The following SYCP2 variants were observed in gnomAD, a reference collection of about 807,000 sequenced individuals.
SYCP2 encodes the protein synaptonemal complex lateral element protein.
Under a neutral mutation model 211.3 loss-of-function variants are expected in SYCP2, and 55 were observed. That is an observed-to-expected ratio of 0.26 (90% CI 0.21 to 0.33). SYCP2 has a LOEUF of 0.33. Among genes scored for constraint, SYCP2 ranks in the 10% least tolerant of loss-of-function variants. The pLI is 1.00. For synonymous variants in SYCP2, 570 were observed against 555.2 expected, an observed-to-expected ratio of 1.03 and a Z score of -0.37; for missense variants, 1,731 against 1,752.0, an observed-to-expected ratio of 0.99 and a Z score of 0.21.
chr20:59,901,104 A>C (rs1012447941), intron 16 of SYCP2, among the ~76,000 whole-genome samples: 1 of 152,068 alleles, frequency 6.6e-6, no homozygotes, highest in African/African-American at 2.4e-5. Context: ...TGTCAATTGA[A>C]TATCTCCCCA....
At chr20:59,933,436 C>CA in intron 1 of SYCP2, 133 bp downstream of exon 1, 1 of 152,214 alleles carries the variant, frequency 6.6e-6, no homozygotes, top group Non-Finnish European at 1.5e-5. Context: ...TCCCCCTCGG[C>CA]AGCTTCCACA....
In SYCP2 at chr20:59,919,154, A is replaced by C. The variant is rs576637959; in HGVS notation, c.427+4T>G. ...TTCCAATAGAAAATAAGTGTTTATT[A>C]TACCTTCATCACTGACATCATGTAT... On this transcript the variant is annotated splice_donor_region_variant and intron_variant, in intron 7 of 44. Transcript: ENST00000357552. 4.7e-6 allele frequency: 6 copies of C among 1,270,558 alleles called. No individual in the cohort carries two copies. Among genetic ancestry groups the C allele is most frequent in the Non-Finnish European group, 5.6e-6 (5 of 893,090 alleles). 78.7% of individuals were successfully genotyped at this position (1,270,558 alleles called of 1,614,324 possible). A position where few individuals can be genotyped will look rare whatever the true frequency, so the allele number is the denominator to read the frequency against.
chr20:59,891,990 C>A lies in SYCP2; in HGVS notation c.2364G>T (p.Met788Ile). The A allele has an allele frequency of 6.3e-7, 1 of 1,575,468 alleles. No individual in the cohort carries two copies. Among genetic ancestry groups the A allele is most frequent in the South Asian group, 1.2e-5 (1 of 83,156 alleles). ...AAATCAAAACACATTGAAAGCTCACCATTTTTTTTTGTTTCGAATCCCAGG... is the reference window on the plus strand; with the variant it reads ...AAATCAAAACACATTGAAAGCTCACAATTTTTTTTTGTTTCGAATCCCAGG... ...LNSWDSKQKK[M>I]REKSKGKEFT... is the part of the protein sequence containing the mutation. The change falls in exon 24 of 45, where the codon ATG (methionine) becomes ATT (isoleucine). Residue 788 changes from methionine to isoleucine, a missense_variant and splice_region_variant. Met to Ile is a conservative substitution (Grantham distance 10). Around this residue, in one of 3 missense-constraint regions of SYCP2, gnomAD observed 1,387 missense variants for 1,351.3 expected, o/e 1.03. Transcript: ENST00000357552.
intron 35 of SYCP2, among the ~76,000 whole-genome samples, chr20:59,870,935 T>G: frequency 6.6e-6 from 1 of 151,798 alleles, no homozygotes; most frequent in Admixed American, 6.6e-5. Context: ...TGAGTCAAAT[T>G]TAGACTCAAA....
chr20:59,912,013 T>C, intron 13 of SYCP2, 168 bp from the exon 14 acceptor site: 3 of 444,644 alleles, frequency 6.7e-6, no homozygotes, highest in Non-Finnish European at 1.2e-5. Context: ...TCAAATGAAA[T>C]GCTACTTTAA....
In SYCP2 at chr20:59,865,859, A is replaced by G; in HGVS notation, c.4327T>C (p.Trp1443Arg). 7.3e-7 allele frequency: 1 copy of G among 1,378,302 alleles called. No individual in the cohort carries two copies. The highest frequency in any genetic ancestry group is 9.7e-7 in the Non-Finnish European group (1 of 1,028,492). 85.4% of individuals were successfully genotyped at this position (1,378,302 alleles called of 1,614,324 possible). A position where few individuals can be genotyped will look rare whatever the true frequency, so the allele number is the denominator to read the frequency against. ...CTGAACTTCTGAAATATCTTTTCCC[A>G]AAAGTCCTAAATTAATTAATAAAAT... is the stretch of plus-strand genomic sequence containing the variant. ...KDLEKEFVDF[W>R]EKIFQKFSAY... The change falls in exon 42 of 45, where the codon TGG becomes CGG. Residue 1443 changes from tryptophan to arginine, a missense_variant. Physicochemically the swap from Trp to Arg is moderately radical, Grantham distance 101. Around this residue, in one of 3 missense-constraint regions of SYCP2, gnomAD observed 1,387 missense variants for 1,351.3 expected, o/e 1.03. Coordinates refer to ENST00000357552, the MANE Select transcript of SYCP2 (RefSeq NM_014258.4).
chr20:59,905,437 A>C (rs1479939602), intron 15 of SYCP2, among the ~76,000 whole-genome samples: 1 of 152,196 alleles, frequency 6.6e-6, no homozygotes, highest in East Asian at 1.9e-4. Context: ...AATAAAAAGA[A>C]TAAACTACTG....
intron 7 of SYCP2, among the ~76,000 whole-genome samples, chr20:59,916,916 C>G (rs1161496304): frequency 6.6e-6 from 1 of 151,844 alleles, no homozygotes; most frequent in Non-Finnish European, 1.5e-5. Context: ...GACCCTGTCT[C>G]AAAAAATAAA....
chr20:59,869,776 T>C, intron 36 of SYCP2, 22 bp downstream of exon 36: 1 of 1,490,692 alleles, frequency 6.7e-7, no homozygotes, highest in Non-Finnish European at 9.2e-7. Flanking sequence ...GGAAAATTTA[T>C]AAGTTATAGT....
At position 59,864,207 on chromosome 20, in the gene SYCP2, G is replaced by T. The variant is rs550698230; in HGVS notation, c.*104C>A. 6.4e-5 allele frequency: 51 copies of T among 791,708 alleles called. No homozygotes were observed. The East Asian group carries it at 7.2e-4, about 11-fold the overall frequency. The allele number at this position is 791,708 out of a possible 1,614,324, so 49.0% of individuals were successfully genotyped here. A position where few individuals can be genotyped will look rare whatever the true frequency, so the allele number is the denominator to read the frequency against. On this transcript the variant is annotated 3_prime_UTR_variant, in exon 45 of 45. Coordinates refer to ENST00000357552, the MANE Select transcript of SYCP2 (RefSeq NM_014258.4). The stretch of plus-strand genomic sequence containing the variant: ...GAGGGTTCCTATAAAGGGTACACTT[G>T]CTTCGGTGACATGTATATTTTTCTC...
intron 5 of SYCP2, 108 bp from the exon 6 acceptor site, chr20:59,919,705 A>G: frequency 1.8e-6 from 1 of 563,012 alleles, no homozygotes; most frequent in Non-Finnish European, 3.0e-6. Context: ...CATCAAAATT[A>G]AAATTTTAGT....
At chr20:59,886,685 T>C (rs1260688213) in intron 25 of SYCP2, 22 bp downstream of exon 25, 8 of 1,509,936 alleles carry the variant, frequency 5.3e-6, no homozygotes, top group Non-Finnish European at 7.1e-6. Flanking sequence ...AAAATATTCA[T>C]GTCTGAAATT....
At chr20:59,888,619 CTTT>C (rs2059842184) in intron 24 of SYCP2, among the ~76,000 whole-genome samples, 1 of 151,952 alleles carries the variant, frequency 6.6e-6, no homozygotes, top group African/African-American at 2.4e-5. Flanking sequence ...CTCATTGCTT[CTTT>C]TTAACATTGT....
At chr20:59,900,081 T>C (rs775895550) in intron 18 of SYCP2, 57 bp downstream of exon 18, 1 of 1,541,834 alleles carries the variant, frequency 6.5e-7, no homozygotes, top group East Asian at 2.3e-5. Flanking sequence ...TACTCATATA[T>C]AACAGTGATT....
chr20:59,892,249 T>C lies in SYCP2; in HGVS notation c.2105A>G (p.Tyr702Cys). 1 of 1,612,986 alleles carries C rather than the reference T, an allele frequency of 6.2e-7. No individual in the cohort carries two copies. ...KHNQQQNHPK[Y>C]SGQKNTENAK... is the part of the protein sequence containing the mutation. ...ATTTTCAGTATTTTTCTGCCCTGAA[T>C]ATTTAGGATGATTTTGTTGCTGATT... The change falls in exon 24 of 45, where the codon TAT becomes TGT. Residue 702 changes from tyrosine to cysteine, a missense_variant. This residue lies in a region of SYCP2 where 1,387 missense variants were observed against 1,351.3 expected (regional missense o/e 1.03). Coordinates refer to ENST00000357552, the MANE Select transcript of SYCP2 (RefSeq NM_014258.4).
chr20:59,922,294 T>C, intron 3 of SYCP2, 96 bp downstream of exon 3: 1 of 1,111,898 alleles, frequency 9.0e-7, no homozygotes, highest in Non-Finnish European at 1.3e-6. Flanking sequence ...ACATGTAAGC[T>C]TTATCATTGC....
intron 15 of SYCP2, among the ~76,000 whole-genome samples, chr20:59,902,863 G>A (rs1040528228): frequency 6.6e-6 from 1 of 152,126 alleles, no homozygotes; most frequent in Admixed American, 6.6e-5. Flanking sequence ...AGGTTTCAGA[G>A]ATGCAAATTT....
intron 1 of SYCP2, chr20:59,933,303 G>C (rs1249350619): frequency 6.6e-6 from 1 of 151,844 alleles, no homozygotes; most frequent in African/African-American, 2.4e-5. Context: ...AGGCTGGCCA[G>C]GCAGGTGCTG....
At chr20:59,880,215 A>T (rs1004103186) in intron 31 of SYCP2, 88 bp downstream of exon 31, 16 of 1,078,362 alleles carry the variant, frequency 1.5e-5, no homozygotes, top group Non-Finnish European at 2.0e-5. Context: ...GAACAGTCTA[A>T]ATACAATAAG....
Sources: gnomAD v4.1 joint callset for allele counts (sites outside exome capture counted in the v4.1 genomes callset) on GRCh38, gnomAD v4.1.1 for gene constraint, gnomAD v4.1.1 regional missense constraint, MANE v1.5 for transcripts, NCBI Gene and HGNC (gene_info 2026-07-23, HGNC 2026-07-21) for gene names.